PTPRN2: variants seen among roughly 807,000 people sequenced by gnomAD.
The protein encoded by PTPRN2 is protein tyrosine phosphatase receptor type N2.
In PTPRN2, 74 loss-of-function variants were observed where a neutral mutation model predicts 118.8. The observed-to-expected ratio is 0.62, with a 90% confidence interval of 0.52 to 0.76. The LOEUF (loss-of-function observed/expected upper bound fraction) is 0.76, where lower values mean the gene tolerates loss of function less well. Among genes scored for constraint, PTPRN2 ranks in the 30% least tolerant of loss-of-function variants. PTPRN2 has a pLI of 0.00. For missense variants in PTPRN2, 1,481 were observed against 1,394.4 expected (o/e 1.06, Z -0.99); for synonymous variants, 641 against 608.0 (o/e 1.05, Z -0.80).
rs1451855766 is a variant in PTPRN2, at chr7:158,253,979, G to A, written c.278-48706C>T. ...AGCACAGAGCCACTGCCCACGGCACGACCCGCCCTCCATCTCCACGTTCAG... is the reference window on the plus strand; with the variant it reads ...AGCACAGAGCCACTGCCCACGGCACAACCCGCCCTCCATCTCCACGTTCAG... On this transcript the variant is annotated intron_variant, in intron 3 of 22. Transcript: ENST00000389418. Among the ~76,000 whole-genome samples the A allele has an allele frequency of 7.0e-4, 16 of 22,982 alleles. 1 individual carries two copies. The highest frequency in any genetic ancestry group is 3.2e-3 in the African/African-American group (8 of 2,512). 15.1% of individuals were successfully genotyped at this position (22,982 alleles called of 152,430 possible).
At chr7:157,940,710 GTGACACTGCAA>G (rs1800013785) in intron 11 of PTPRN2, among the ~76,000 whole-genome samples, 2 of 40,280 alleles carry the variant, frequency 5.0e-5, no homozygotes, top group African/African-American at 2.3e-4. Context: ...ACGCCCCCCC[GTGACACTGCAA>G]ATCTAACGCC....
intron 12 of PTPRN2, among the ~76,000 whole-genome samples, chr7:157,886,743 T>G (rs1003063530): frequency 6.0e-5 from 5 of 82,972 alleles, no homozygotes; most frequent in African/African-American, 2.3e-4. Context: ...AGCAGGCTGA[T>G]GGGGTGCAGC....
chr7:158,131,207 TACACACACGTACATAC>T (rs1818237247), intron 9 of PTPRN2, among the ~76,000 whole-genome samples: 1 of 148,584 alleles, frequency 6.7e-6, no homozygotes, highest in East Asian at 2.0e-4. Flanking sequence ...CACACTCATA[TACACACACGTACATAC>T]ACACACACCC....
At chr7:158,578,661 C>T (rs1828473020) in intron 1 of PTPRN2, among the ~76,000 whole-genome samples, 1 of 151,950 alleles carries the variant, frequency 6.6e-6, no homozygotes, top group Non-Finnish European at 1.5e-5. Context: ...GAACACAGTA[C>T]TTGATAAGTA....
At chr7:158,002,301 C>G (rs1184743930) in intron 11 of PTPRN2, among the ~76,000 whole-genome samples, 1 of 152,182 alleles carries the variant, frequency 6.6e-6, no homozygotes, top group Non-Finnish European at 1.5e-5. Flanking sequence ...AGAGTTGGTT[C>G]TACGGAGGAT....
chr7:157,551,522 TCACACACCC>T (rs984672234), intron 21 of PTPRN2, among the ~76,000 whole-genome samples: 4 of 95,378 alleles, frequency 4.2e-5, no homozygotes, highest in African/African-American at 8.4e-5. Context: ...CACCCCACTA[TCACACACCC>T]CACACACCCC....
At chr7:157,548,736 T>A (rs1323059757) in intron 22 of PTPRN2, among the ~76,000 whole-genome samples, 3 of 152,066 alleles carry the variant, frequency 2.0e-5, no homozygotes, top group African/African-American at 7.2e-5. Flanking sequence ...TGTGGCTGCA[T>A]CTGGAGGTGT....
intron 4 of PTPRN2, among the ~76,000 whole-genome samples, chr7:158,204,451 T>C (rs576759213): frequency 6.6e-6 from 1 of 152,370 alleles, no homozygotes; most frequent in Admixed American, 6.5e-5. Context: ...TACTGGAATC[T>C]TTCTAAAGAC....
At chr7:158,071,697 G>GA (rs1563392957) in intron 11 of PTPRN2, among the ~76,000 whole-genome samples, 8 of 116,050 alleles carry the variant, frequency 6.9e-5, no homozygotes, top group Non-Finnish European at 1.3e-4. Flanking sequence ...GGAGGTGCTT[G>GA]TGGTGGAGGT....
chr7:158,317,613 C>T (rs1253749036), intron 2 of PTPRN2, among the ~76,000 whole-genome samples: 1 of 152,236 alleles, frequency 6.6e-6, no homozygotes, highest in Non-Finnish European at 1.5e-5. Context: ...TTGAGACAAG[C>T]TTCCTGTGGG....
chr7:157,677,733 G>T (rs962819250), intron 13 of PTPRN2, among the ~76,000 whole-genome samples: 2 of 152,212 alleles, frequency 1.3e-5, no homozygotes. Context: ...GGGACGACAC[G>T]TACCCTTTAC....
Position 158,490,654 on chromosome 7 carries a change from C to A in PTPRN2, c.113-869G>T, listed in dbSNP as rs147423428. Among the ~76,000 whole-genome samples the A allele has an allele frequency of 6.9e-4, 105 of 152,340 alleles. 2 individuals are homozygous for A. In the East Asian group the frequency reaches 0.019, roughly 28 times the overall value. On this transcript the variant is annotated intron_variant, in intron 1 of 22. Transcript: ENST00000389418. ...GGCCCCAGGGCCACTAGGCGGGAGT[C>A]GCACCGCCAGCAAAGGCCAGGTGTG...
rs189884540 is a variant in PTPRN2 at position 157,797,043 on chromosome 7, G to A, written c.1788+101630C>T. 1.8e-3 allele frequency among the ~76,000 whole-genome samples: 269 copies of A among 152,336 alleles called. 1 individual carries two copies. The highest frequency in any genetic ancestry group is 5.6e-3 in the African/African-American group (233 of 41,580). ...CACGGCTCAGCTGGGAGAATCACAC[G>A]GGAGGGGCCCATGAACGGGCACTGG... On this transcript the variant is annotated intron_variant, in intron 12 of 22. Coordinates refer to ENST00000389418, the MANE Select transcript of PTPRN2 (RefSeq NM_002847.5).
intron 8 of PTPRN2, among the ~76,000 whole-genome samples, chr7:158,136,166 T>C (rs1818792221): frequency 6.6e-6 from 1 of 152,250 alleles, no homozygotes; most frequent in Non-Finnish European, 1.5e-5. Context: ...GCCGCCGACC[T>C]GAACCCAGTG....
intron 14 of PTPRN2, among the ~76,000 whole-genome samples, chr7:157,634,912 G>A (rs1804216586): frequency 6.6e-6 from 1 of 152,220 alleles, no homozygotes; most frequent in Non-Finnish European, 1.5e-5. Context: ...CCGCGTGTGG[G>A]AGGAGCCCAG....
In PTPRN2 at chr7:158,153,952, A is replaced by G. The variant is rs1368134481; in HGVS notation, c.910+12979T>C. 2.0e-5 allele frequency among the ~76,000 whole-genome samples: 3 copies of G among 152,262 alleles called. No individual in the cohort carries two copies. In the East Asian group the frequency reaches 5.8e-4, roughly 30 times the overall value. ...GCCAACAGACTGGACATGGGGGGAC[A>G]GAAAGAAAAGGACCTAAATGGATAG... On this transcript the variant is annotated intron_variant, in intron 6 of 22. Coordinates refer to ENST00000389418, the MANE Select transcript of PTPRN2 (RefSeq NM_002847.5).
At chr7:158,236,592 A>T (rs1204201289) in intron 3 of PTPRN2, among the ~76,000 whole-genome samples, 1 of 152,128 alleles carries the variant, frequency 6.6e-6, no homozygotes, top group Non-Finnish European at 1.5e-5. Flanking sequence ...GTATGTCTTC[A>T]TGGAGCCGCC....
At position 158,570,135 on chromosome 7, in the gene PTPRN2, CG is replaced by C. The variant is rs1359028927; in HGVS notation, c.112+17422del. 2.0e-5 allele frequency among the ~76,000 whole-genome samples: 3 copies of C among 152,162 alleles called. No homozygotes were observed. The highest frequency in any genetic ancestry group is 4.4e-5 in the Non-Finnish European group (3 of 68,020). On this transcript the variant is annotated intron_variant, in intron 1 of 22. Coordinates refer to ENST00000389418, the MANE Select transcript of PTPRN2 (RefSeq NM_002847.5). The surrounding 1 kb of genome is among the most constrained non-coding windows in gnomAD (Gnocchi z 4.5). ...CTGAGATCGGGCCCCAGGCTCTCCGCGGAGCCGTCTCCAACCCCTGCAGGCC... is the reference window on the plus strand; with the variant it reads ...CTGAGATCGGGCCCCAGGCTCTCCGCGAGCCGTCTCCAACCCCTGCAGGCC...
intron 14 of PTPRN2, among the ~76,000 whole-genome samples, chr7:157,642,813 G>GTAAAAAAAAAAAA (rs1274924724): frequency 1.4e-4 from 1 of 6,908 alleles, no homozygotes; most frequent in Non-Finnish European, 3.3e-4. Context: ...TCAAGAAACA[G>GTAAAAAAAAAAAA]CAAAAAAAAA....
Sources: gnomAD v4.1 joint callset for allele counts (sites outside exome capture counted in the v4.1 genomes callset) on GRCh38, gnomAD v4.1.1 for gene constraint, Gnocchi (gnomAD v3.1) non-coding constraint, MANE v1.5 for transcripts, NCBI Gene and HGNC (gene_info 2026-07-23, HGNC 2026-07-21) for gene names.